PAK5: variants seen among roughly 807,000 people sequenced by gnomAD.
The protein encoded by PAK5 is serine/threonine-protein kinase PAK 5.
In PAK5, 16 loss-of-function variants were observed where a neutral mutation model predicts 65.9. That is an observed-to-expected ratio of 0.24 (90% confidence interval 0.16 to 0.37). The LOEUF is 0.37. Ranked by LOEUF, PAK5 falls within the 10% of genes least tolerant of loss-of-function variation. PAK5 has a pLI of 1.00. For missense variants in PAK5, 785 were observed against 903.9 expected, an observed-to-expected ratio of 0.87 and a Z score of 1.69; for synonymous variants, 371 against 354.9, an observed-to-expected ratio of 1.05 and a Z score of -0.51.
At chr20:9,744,819 T>A (rs1223607459) in intron 1 of PAK5, among the ~76,000 whole-genome samples, 2 of 152,224 alleles carry the variant, frequency 1.3e-5, no homozygotes, top group Non-Finnish European at 2.9e-5. Flanking sequence ...TGTTTCCACA[T>A]CACTCTCAAA....
At chr20:9,756,393 C>A (rs2048634597) in intron 1 of PAK5, among the ~76,000 whole-genome samples, 1 of 152,004 alleles carries the variant, frequency 6.6e-6, no homozygotes, top group African/African-American at 2.4e-5. Context: ...GGGACACATG[C>A]CCCAAATCCA....
chr20:9,710,695 A>G (rs2048067788), intron 2 of PAK5, among the ~76,000 whole-genome samples: 1 of 152,136 alleles, frequency 6.6e-6, no homozygotes, highest in Admixed American at 6.6e-5. Context: ...TAAAAAATAT[A>G]AATTCTTTCA....
At chr20:9,595,888 C>T (rs1214983943) in intron 3 of PAK5, among the ~76,000 whole-genome samples, 1 of 151,136 alleles carries the variant, frequency 6.6e-6, no homozygotes, top group Non-Finnish European at 1.5e-5. Context: ...TTCAAATGGA[C>T]TCCCCAGAGG....
In PAK5 at chr20:9,760,059, G is replaced by A. The variant is rs528329902; in HGVS notation, c.-161-48624C>T. 5.3e-5 allele frequency among the ~76,000 whole-genome samples: 8 copies of A among 152,252 alleles called. No individual in the cohort carries two copies. The East Asian group carries it at 1.5e-3, about 29-fold the overall frequency. On this transcript the variant is annotated intron_variant, in intron 1 of 9. Coordinates refer to ENST00000353224, the MANE Select transcript of PAK5 (RefSeq NM_177990.4). Reference sequence around the variant, plus strand: ...GTGTGTAAATATTTGTAATTAAATTGAACCATGTAGCTGTCCTTCCCATGT... The same window carrying A: ...GTGTGTAAATATTTGTAATTAAATTAAACCATGTAGCTGTCCTTCCCATGT...
At chr20:9,685,489 A>G (rs1411439768) in intron 2 of PAK5, among the ~76,000 whole-genome samples, 1 of 152,218 alleles carries the variant, frequency 6.6e-6, no homozygotes, top group Non-Finnish European at 1.5e-5. Flanking sequence ...AAGGAGAGTA[A>G]AAGATTGCCA....
chr20:9,606,025 T>G (rs886524505), intron 3 of PAK5, among the ~76,000 whole-genome samples: 1 of 152,184 alleles, frequency 6.6e-6, no homozygotes, highest in East Asian at 1.9e-4. Context: ...CTTAGTAGGT[T>G]GATATGATTT....
chr20:9,604,263 C>T (rs1183068885), intron 3 of PAK5, among the ~76,000 whole-genome samples: 1 of 152,166 alleles, frequency 6.6e-6, no homozygotes, highest in Non-Finnish European at 1.5e-5. Flanking sequence ...TGAAGGTTGC[C>T]AGCTGGATGT....
intron 2 of PAK5, among the ~76,000 whole-genome samples, chr20:9,662,216 T>G (rs566380510): frequency 6.6e-6 from 1 of 152,174 alleles, no homozygotes; most frequent in Non-Finnish European, 1.5e-5. Context: ...CCAACTGTGA[T>G]CACTTCTTGG....
Position 9,542,681 on chromosome 20 carries a change from T to A in PAK5, c.1909A>T (p.Ile637Phe). The A allele has an allele frequency of 3.1e-6, 5 of 1,614,022 alleles. No individual in the cohort carries two copies. The highest frequency in any genetic ancestry group is 4.2e-6 in the Non-Finnish European group (5 of 1,179,908). ...WSLGIMVIEMIDGEPPYFNEP... is the reference protein window; with the variant it reads ...WSLGIMVIEMFDGEPPYFNEP... Reference sequence around the variant, plus strand: ...TTGAAGTAGGGGGGCTCGCCATCAATCATTTCTATCACCATGATCCCGAGG... The same window carrying A: ...TTGAAGTAGGGGGGCTCGCCATCAAACATTTCTATCACCATGATCCCGAGG... Residue 637 changes from isoleucine to phenylalanine, a missense_variant, in exon 9 of 10, where the codon ATT (isoleucine) becomes TTT (phenylalanine). Physicochemically the swap from Ile to Phe is conservative, Grantham distance 21. Transcript: ENST00000353224.
At chr20:9,666,033 A>C (rs2047412740) in intron 2 of PAK5, among the ~76,000 whole-genome samples, 1 of 152,134 alleles carries the variant, frequency 6.6e-6, no homozygotes, top group Non-Finnish European at 1.5e-5. Context: ...CTTTGCTACA[A>C]TATCTCAGCC....
At chr20:9,607,831 A>AAAAAAGAAAAGAAAAAAGAAAAGGAG (rs2046482914) in intron 3 of PAK5, among the ~76,000 whole-genome samples, 1 of 152,172 alleles carries the variant, frequency 6.6e-6, no homozygotes, top group Admixed American at 6.5e-5. Flanking sequence ...TCTGTCTAAA[A>AAAAAAGAAAAGAAAAAAGAAAAGGAG]AAAAAGAAAA....
At chr20:9,790,062 T>C (rs1396044682) in intron 1 of PAK5, among the ~76,000 whole-genome samples, 3 of 152,160 alleles carry the variant, frequency 2.0e-5, no homozygotes, top group African/African-American at 7.2e-5. Context: ...CAGCATCATC[T>C]ACCCCATTTC....
intron 2 of PAK5, among the ~76,000 whole-genome samples, chr20:9,681,833 C>G (rs1027110739): frequency 6.6e-6 from 1 of 152,156 alleles, no homozygotes; most frequent in African/African-American, 2.4e-5. Flanking sequence ...TTAAATTTCT[C>G]CTTTTACTTC....
chr20:9,677,150 A>G (rs551542232), intron 2 of PAK5, among the ~76,000 whole-genome samples: 9 of 152,220 alleles, frequency 5.9e-5, no homozygotes. Context: ...TTAAAAATTT[A>G]AAGCAATAAA....
At chr20:9,566,408 G>A (rs893670833) in intron 4 of PAK5, 24 bp from the exon 5 acceptor site, 11 of 1,602,316 alleles carry the variant, frequency 6.9e-6, no homozygotes, top group African/African-American at 2.7e-5. Context: ...CATGGATAGA[G>A]AATATTCACA....
intron 1 of PAK5, among the ~76,000 whole-genome samples, chr20:9,794,840 GA>G (rs1673839570): frequency 6.6e-6 from 1 of 151,764 alleles, no homozygotes; most frequent in African/African-American, 2.4e-5. Flanking sequence ...TACATTCGAC[GA>G]AAGAAAAACC....
chr20:9,639,374 G>A (rs1229397832), intron 3 of PAK5, among the ~76,000 whole-genome samples: 2 of 152,194 alleles, frequency 1.3e-5, no homozygotes, highest in Non-Finnish European at 2.9e-5. Flanking sequence ...TTTGGAGAAA[G>A]ATAGGATTTG....
intron 3 of PAK5, among the ~76,000 whole-genome samples, chr20:9,641,880 C>T (rs1272809356): frequency 3.3e-5 from 5 of 152,174 alleles, no homozygotes; most frequent in African/African-American, 4.8e-5. Flanking sequence ...CTGGGTGCTC[C>T]GAGTGCGGGG....
rs1186099038 is a variant in PAK5, at chr20:9,644,292, C to A, written c.37G>T (p.Gly13Cys). The A allele has an allele frequency of 6.2e-7, 1 of 1,608,358 alleles. No individual in the cohort carries two copies. The highest frequency in any genetic ancestry group is 1.3e-5 in the African/African-American group (1 of 74,498). The stretch of plus-strand genomic sequence containing the variant: ...ACCCTGTGTTCAAAGTTGGACGGGC[C>A]AGATATTTCAATCTTTTTCTTTTTC... Reference protein sequence around the residue: ...GKKKKKIEISGPSNFEHRVHT... With the variant: ...GKKKKKIEISCPSNFEHRVHT... Residue 13 changes from glycine to cysteine, a missense_variant, in exon 3 of 10, where the codon GGC becomes TGC. Physicochemically the swap from Gly to Cys is radical, Grantham distance 159 (BLOSUM62 -3). This residue lies in a region of PAK5 where 71 missense variants were observed against 110.2 expected (regional missense o/e 0.64). Transcript: ENST00000353224.
Sources: allele counts gnomAD v4.1 joint callset (sites outside exome capture counted in the v4.1 genomes callset), GRCh38; gene constraint gnomAD v4.1.1; regional missense constraint gnomAD v4.1.1; transcripts MANE v1.5; gene names NCBI Gene and HGNC (gene_info 2026-07-23, HGNC 2026-07-21).